The following TANC2 variants were observed in gnomAD, a reference collection of about 807,000 sequenced individuals.
The protein encoded by TANC2 is tetratricopeptide repeat, ankyrin repeat and coiled-coil containing 2.
In TANC2, 26 loss-of-function variants were observed where a neutral mutation model predicts 210.5. The ratio of observed to expected loss-of-function variants is 0.12; its 90% CI spans 0.09 to 0.17. The LOEUF (loss-of-function observed/expected upper bound fraction) is 0.17. Among genes scored for constraint, TANC2 ranks in the 10% least tolerant of loss-of-function variants. The probability of loss-of-function intolerance (pLI) is 1.00; values close to 1 mark genes in which losing one functional copy is unlikely to be tolerated. For missense variants in TANC2, 2,129 were observed against 2,608.9 expected, an observed-to-expected ratio of 0.82 and a Z score of 4.01; for synonymous variants, 931 against 967.1, an observed-to-expected ratio of 0.96 and a Z score of 0.69.
intron 2 of TANC2, among the ~76,000 whole-genome samples, chr17:63,009,912 GTT>G (rs1256123061): frequency 6.6e-6 from 1 of 152,082 alleles, no homozygotes; most frequent in Non-Finnish European, 1.5e-5. Context: ...CTAGACCTAA[GTT>G]TATGTTTTTG....
intron 4 of TANC2, among the ~76,000 whole-genome samples, chr17:63,100,334 A>G (rs1598399541): frequency 6.6e-6 from 1 of 152,130 alleles, no homozygotes; most frequent in African/African-American, 2.4e-5. Context: ...TAGTTCTACA[A>G]AGCATAAATT....
exon 25 of TANC2, chr17:63,413,550 C>T: frequency 3.1e-6 from 5 of 1,594,646 alleles, no homozygotes; most frequent in Non-Finnish European, 4.3e-6. Flanking sequence ...CAGGTCCAGC[C>T]ACATGGGCGA....
Position 63,056,032 on chromosome 17 carries a change from G to A in TANC2, c.68-17911G>A, listed in dbSNP as rs1473861638. On this transcript the variant is annotated intron_variant, in intron 2 of 27. Coordinates refer to ENST00000689528, the Ensembl canonical transcript of TANC2. ...ATATATATATATATATATGCCAGGG[G>A]TGGTGGCTCCCACCTACAGTCCCAG... Among the ~76,000 whole-genome samples the A allele has an allele frequency of 5.5e-5, 6 of 109,994 alleles. No homozygotes were observed. In the East Asian group the frequency reaches 1.7e-3, roughly 30 times the overall value. The allele number at this position is 109,994 out of a possible 152,430, so 72.2% of individuals were successfully genotyped here.
chr17:63,382,652 T>C (rs1371873956), intron 15 of TANC2, among the ~76,000 whole-genome samples: 1 of 152,226 alleles, frequency 6.6e-6, no homozygotes, highest in Non-Finnish European at 1.5e-5. Flanking sequence ...ACAAATATAA[T>C]AGATAACGCT....
chr17:63,162,006 G>A (rs141909612), intron 5 of TANC2, among the ~76,000 whole-genome samples: 127 of 152,188 alleles, frequency 8.3e-4, no homozygotes, highest in African/African-American at 2.9e-3. Flanking sequence ...AATCTTGATG[G>A]CAGAAATTTG....
At chr17:63,103,502 T>A (rs1293864957) in intron 4 of TANC2, among the ~76,000 whole-genome samples, 2 of 152,196 alleles carry the variant, frequency 1.3e-5, no homozygotes, top group Non-Finnish European at 2.9e-5. Context: ...TCCGACTGTT[T>A]GGGTTTATAT....
At chr17:63,238,469 G>A (rs1399236142) in intron 8 of TANC2, among the ~76,000 whole-genome samples, 1 of 152,162 alleles carries the variant, frequency 6.6e-6, no homozygotes, top group East Asian at 1.9e-4. Flanking sequence ...GCATATCTCA[G>A]TGTAATTTGT....
rs970401610 is a variant in TANC2, at chr17:63,421,542, C to T, written c.5812C>T (p.Arg1938Trp). 1.9e-6 allele frequency: 3 copies of T among 1,613,900 alleles called. No homozygotes were observed. Among genetic ancestry groups the T allele is most frequent in the Non-Finnish European group, 2.5e-6 (3 of 1,179,904 alleles). Residue 1938 changes from arginine (R) to tryptophan (W), a missense_variant, in exon 28 of 28, where the codon CGG (arginine) becomes TGG (tryptophan). Physicochemically the swap from Arg to Trp is moderately radical, Grantham distance 101. Around this residue, in one of 5 missense-constraint regions of TANC2, gnomAD observed 161 missense variants for 178.6 expected, o/e 0.90. Transcript: ENST00000689528. The surrounding 1 kb of genome is among the most constrained non-coding windows in gnomAD (Gnocchi z 6.9). ...CATGGGGATCATAGATAAAACAGCA[C>T]GGACTCAGCAGTACCCCCACCTCCA...
intron 9 of TANC2, among the ~76,000 whole-genome samples, chr17:63,307,663 T>C (rs1949885149): frequency 6.6e-6 from 1 of 152,208 alleles, no homozygotes; most frequent in African/African-American, 2.4e-5. Flanking sequence ...GGTTCTTTGA[T>C]TTTCTATAGA....
intron 7 of TANC2, among the ~76,000 whole-genome samples, chr17:63,209,782 T>A (rs1256547590): frequency 6.6e-6 from 1 of 152,226 alleles, no homozygotes; most frequent in African/African-American, 2.4e-5. Flanking sequence ...TTCCTGTAGA[T>A]GTTTGTAGAC....
chr17:63,242,189 CA>C, intron 8 of TANC2, among the ~76,000 whole-genome samples: 1 of 151,794 alleles, frequency 6.6e-6, no homozygotes, highest in East Asian at 1.9e-4. Flanking sequence ...TTATTTTACC[CA>C]AAAAAATGCT....
At chr17:63,021,463 T>A (rs1215151763) in intron 2 of TANC2, among the ~76,000 whole-genome samples, 1 of 152,202 alleles carries the variant, frequency 6.6e-6, no homozygotes, top group East Asian at 1.9e-4. Flanking sequence ...TTCCCCTGTC[T>A]CTTTCAAATG....
At chr17:63,152,028 C>A (rs1318887452) in intron 5 of TANC2, 1 of 152,130 alleles carries the variant, frequency 6.6e-6, no homozygotes, top group Non-Finnish European at 1.5e-5. Context: ...TAGATTCTTT[C>A]AAACTTAGAT....
chr17:63,051,337 G>A (rs1178893821), intron 2 of TANC2, among the ~76,000 whole-genome samples: 1 of 152,152 alleles, frequency 6.6e-6, no homozygotes, highest in Admixed American at 6.5e-5. Flanking sequence ...ATCTGGTACT[G>A]TTCCTGAAAA....
chr17:63,345,357 C>T (rs1297903493), intron 12 of TANC2, among the ~76,000 whole-genome samples: 9 of 152,122 alleles, frequency 5.9e-5, no homozygotes, highest in Non-Finnish European at 8.8e-5. Context: ...CAGTGGCTCA[C>T]GCCTGTAATC....
chr17:63,226,718 T>C (rs1020795127), intron 7 of TANC2, among the ~76,000 whole-genome samples: 5 of 152,188 alleles, frequency 3.3e-5, no homozygotes, highest in Admixed American at 3.3e-4. Context: ...TATTAAGCCC[T>C]GCATGCATTA....
chr17:63,189,386 T>C lies in TANC2; in HGVS notation c.434-4605T>C, dbSNP rs561200628. On this transcript the variant is annotated intron_variant, in intron 5 of 27. Coordinates refer to ENST00000689528, the Ensembl canonical transcript of TANC2. Reference sequence around the variant, plus strand: ...CACAATTTTACATTGCTACCATTATTGTATGAAGGTTCCAATAAATTTCAC... The same window carrying C: ...CACAATTTTACATTGCTACCATTATCGTATGAAGGTTCCAATAAATTTCAC... Among the ~76,000 whole-genome samples, 5 of 152,334 alleles carry C rather than the reference T, an allele frequency of 3.3e-5. No individual in the cohort carries two copies. The East Asian group carries it at 9.6e-4, about 29-fold the overall frequency.
chr17:63,106,257 T>C, intron 4 of TANC2, among the ~76,000 whole-genome samples: 1 of 151,716 alleles, frequency 6.6e-6, no homozygotes, highest in East Asian at 1.9e-4. Flanking sequence ...TGAGTCAGTA[T>C]TGTTAAAGAA....
At chr17:63,102,409 G>T (rs887393961) in intron 4 of TANC2, among the ~76,000 whole-genome samples, 1 of 145,452 alleles carries the variant, frequency 6.9e-6, no homozygotes, top group Non-Finnish European at 1.5e-5. Context: ...TACTCTGATT[G>T]CAGGATTTTT....
Sources: allele counts gnomAD v4.1 joint callset (sites outside exome capture counted in the v4.1 genomes callset), GRCh38; gene constraint gnomAD v4.1.1; regional missense constraint gnomAD v4.1.1; non-coding constraint Gnocchi (gnomAD v3.1); transcripts MANE v1.5; gene names NCBI Gene and HGNC (gene_info 2026-07-23, HGNC 2026-07-21).